PVT1: variants seen among roughly 807,000 people sequenced by gnomAD.
The protein encoded by PVT1 is Pvt1 oncogene, also known as CXCR4/PVT1 fusion.
At chr8:128,034,266 T>A (rs1337259438) in intron 4 of PVT1, among the ~76,000 whole-genome samples, 1 of 152,084 alleles carries the variant, frequency 6.6e-6, no homozygotes, top group Non-Finnish European at 1.5e-5. Context: ...TTTTTCCCAG[T>A]GAACTAAAGG....
intron 4 of PVT1, among the ~76,000 whole-genome samples, chr8:128,018,803 C>T (rs1255029336): frequency 6.6e-6 from 1 of 152,166 alleles, no homozygotes; most frequent in Non-Finnish European, 1.5e-5. Flanking sequence ...GTCTGGAATA[C>T]ACTGGCTACC....
At chr8:127,921,090 A>G (rs1816051217) in intron 3 of PVT1, among the ~76,000 whole-genome samples, 4 of 152,228 alleles carry the variant, frequency 2.6e-5, no homozygotes, top group Admixed American at 2.0e-4. Flanking sequence ...TTTTCTCTCC[A>G]AGGCAGATCA....
At chr8:128,094,718 C>T (rs777434011) in intron 5 of PVT1, among the ~76,000 whole-genome samples, 1 of 152,198 alleles carries the variant, frequency 6.6e-6, no homozygotes, top group African/African-American at 2.4e-5. Flanking sequence ...TCTTCATTCC[C>T]TTTCACAGAG....
At chr8:127,884,773 G>A (rs562520289) in intron 2 of PVT1, among the ~76,000 whole-genome samples, 1 of 152,364 alleles carries the variant, frequency 6.6e-6, no homozygotes, top group Non-Finnish European at 1.5e-5. Context: ...AAATCCCGGT[G>A]TACAATGCCA....
At chr8:127,908,358 T>A (rs184525614) in intron 3 of PVT1, among the ~76,000 whole-genome samples, 3 of 151,668 alleles carry the variant, frequency 2.0e-5, no homozygotes, top group African/African-American at 7.2e-5. Flanking sequence ...CTTTTTTTTT[T>A]TGAGATGGAA....
chr8:127,908,428 G>A (rs1186698617), intron 3 of PVT1, among the ~76,000 whole-genome samples: 2 of 149,832 alleles, frequency 1.3e-5, no homozygotes, highest in Admixed American at 6.7e-5. Context: ...TGCAACCTCC[G>A]CCTCCTGGGT....
At chr8:128,025,792 T>C (rs909249987) in intron 4 of PVT1, among the ~76,000 whole-genome samples, 2 of 152,116 alleles carry the variant, frequency 1.3e-5, no homozygotes, top group Admixed American at 1.3e-4. Flanking sequence ...TCACTTAAGG[T>C]CTCCCAAACC....
chr8:127,964,582 C>T (rs2129952301), intron 3 of PVT1, among the ~76,000 whole-genome samples: 1 of 152,170 alleles, frequency 6.6e-6, no homozygotes, highest in South Asian at 2.1e-4. Flanking sequence ...TTCTGGAGGC[C>T]AGAAGTCTGA....
intron 3 of PVT1, among the ~76,000 whole-genome samples, chr8:127,935,229 G>A (rs1383472830): frequency 1.3e-5 from 2 of 152,252 alleles, no homozygotes; most frequent in East Asian, 3.9e-4. Flanking sequence ...GCCTCCCAAA[G>A]TGCTGGGATT....
chr8:127,974,424 A>T (rs932827320), intron 3 of PVT1, among the ~76,000 whole-genome samples: 5 of 151,738 alleles, frequency 3.3e-5, no homozygotes, highest in African/African-American at 1.2e-4. Flanking sequence ...ATTATTATTA[A>T]TTTTTCTTTT....
intron 3 of PVT1, among the ~76,000 whole-genome samples, chr8:127,914,408 TC>T (rs1790816776): frequency 6.6e-6 from 1 of 151,788 alleles, no homozygotes. Context: ...GTTTGGTGGT[TC>T]CTCAAAAAGT....
At chr8:127,949,998 CT>C (rs2129925001) in intron 3 of PVT1, among the ~76,000 whole-genome samples, 1 of 152,372 alleles carries the variant, frequency 6.6e-6, no homozygotes. Context: ...GCCCGGGTTC[CT>C]GGAAAAGCTG....
intron 5 of PVT1, among the ~76,000 whole-genome samples, chr8:128,073,719 G>T (rs1814029289): frequency 2.0e-5 from 3 of 152,002 alleles, no homozygotes; most frequent in Non-Finnish European, 4.4e-5. Context: ...TGCAGATACT[G>T]TCTAGAATAC....
chr8:127,933,022 A>G (rs974956641), intron 3 of PVT1, among the ~76,000 whole-genome samples: 24 of 152,188 alleles, frequency 1.6e-4, no homozygotes, highest in African/African-American at 5.8e-4. Context: ...ATAAAAGGGC[A>G]TATTATTGCC....
intron 2 of PVT1, among the ~76,000 whole-genome samples, chr8:127,796,552 C>A (rs932144002): frequency 7.2e-5 from 11 of 152,158 alleles, no homozygotes; most frequent in Non-Finnish European, 2.9e-5. Flanking sequence ...CATGCCTGGG[C>A]CTTCTGCCTG....
intron 2 of PVT1, among the ~76,000 whole-genome samples, chr8:127,839,545 ATCTC>A: frequency 6.7e-6 from 1 of 149,702 alleles, no homozygotes. Flanking sequence ...GTGAGATCCT[ATCTC>A]AAAAATAAAA....
intron 4 of PVT1, among the ~76,000 whole-genome samples, chr8:128,044,827 C>A (rs1372194757): frequency 1.3e-5 from 2 of 152,094 alleles, no homozygotes; most frequent in African/African-American, 2.4e-5. Context: ...ACTTAAATAC[C>A]ACTTGTTTGC....
chr8:127,851,491 A>T (rs547396180), intron 2 of PVT1, among the ~76,000 whole-genome samples: 25 of 152,222 alleles, frequency 1.6e-4, no homozygotes, highest in African/African-American at 4.3e-4. Flanking sequence ...TTGGTGAGCA[A>T]GTGAGATGAT....
intron 4 of PVT1, among the ~76,000 whole-genome samples, chr8:128,021,535 C>T (rs531648067): frequency 2.0e-5 from 3 of 151,934 alleles, no homozygotes; most frequent in African/African-American, 4.8e-5. Flanking sequence ...CTTCGTGATC[C>T]GCCCTCCTCG....
Sources: gnomAD v4.1 joint callset for allele counts (sites outside exome capture counted in the v4.1 genomes callset) on GRCh38, gnomAD v4.1.1 for gene constraint, MANE v1.5 for transcripts, NCBI Gene and HGNC (gene_info 2026-07-23, HGNC 2026-07-21) for gene names.